Variants in GALNT12 observed in about 807,000 individuals in gnomAD.
GALNT12 encodes the protein polypeptide N-acetylgalactosaminyltransferase 12, also known as UDP-GalNAc:polypeptide N-acetylgalactosaminyltransferase 12.
GALNT12 carries 45 observed loss-of-function variants against 55.5 expected under a neutral mutation model. That is an observed-to-expected ratio of 0.81 (90% CI 0.64 to 1.04). GALNT12 has a LOEUF of 1.04. GALNT12 is among the 50% of genes least tolerant of loss of function. The pLI is 0.00. For missense variants in GALNT12, 709 were observed against 754.8 expected (o/e 0.94, Z 0.71); for synonymous variants, 304 against 312.2 (o/e 0.97, Z 0.28).
intron 7 of GALNT12, among the ~76,000 whole-genome samples, chr9:98,840,840 C>A (rs1178039063): frequency 1.3e-5 from 2 of 152,194 alleles, no homozygotes; most frequent in African/African-American, 4.8e-5. Context: ...CTTTCTCTCT[C>A]CTGTACTTCA....
intron 3 of GALNT12, among the ~76,000 whole-genome samples, chr9:98,830,326 C>T (rs1835962736): frequency 6.6e-6 from 1 of 152,164 alleles, no homozygotes; most frequent in African/African-American, 2.4e-5. Context: ...GGAGGGTATT[C>T]TTGGTTGTCA....
chr9:98,844,974 G>A (rs534022596), intron 8 of GALNT12, among the ~76,000 whole-genome samples: 29 of 152,296 alleles, frequency 1.9e-4, no homozygotes, highest in African/African-American at 7.0e-4. Context: ...CAAAGGGATA[G>A]AGATTCAGAT....
intron 4 of GALNT12, among the ~76,000 whole-genome samples, chr9:98,832,644 C>G (rs537815385): frequency 1.3e-5 from 2 of 152,248 alleles, no homozygotes; most frequent in South Asian, 4.2e-4. Flanking sequence ...AGAAAATATC[C>G]CCACTAAGCA....
intron 6 of GALNT12, among the ~76,000 whole-genome samples, chr9:98,838,372 G>A (rs1426401092): frequency 2.6e-5 from 4 of 152,184 alleles, no homozygotes; most frequent in African/African-American, 9.6e-5. Context: ...CTGACCAATG[G>A]TGAAGGTGTG....
chr9:98,817,725 G>A (rs1588441652), intron 1 of GALNT12, among the ~76,000 whole-genome samples: 2 of 152,226 alleles, frequency 1.3e-5, no homozygotes, highest in East Asian at 1.9e-4. Flanking sequence ...GCCTCCCAAA[G>A]TGCTGAGATT....
At chr9:98,842,890 T>G (rs1182928955) in intron 7 of GALNT12, among the ~76,000 whole-genome samples, 1 of 152,202 alleles carries the variant, frequency 6.6e-6, no homozygotes. Context: ...ATATAAGTAT[T>G]TATTCATTGA....
chr9:98,812,331 C>G (rs1467269729), intron 1 of GALNT12, among the ~76,000 whole-genome samples: 1 of 151,942 alleles, frequency 6.6e-6, no homozygotes, highest in Non-Finnish European at 1.5e-5. Context: ...TGGCTCACGC[C>G]TATAATCTCA....
In GALNT12 at chr9:98,823,316, T is replaced by C; in HGVS notation, c.432T>C (p.Phe144=). ...NLPRTSVIIA[F]YNEAWSTLLR... ...CCAGGACATCTGTTATCATAGCATT[T>C]TATAATGAAGCCTGGTCAACTCTCC... Residue 144 remains phenylalanine, a synonymous_variant, in exon 2 of 10, where the codon TTT becomes TTC. Transcript: ENST00000375011. 1 of 1,614,050 alleles carries C rather than the reference T, an allele frequency of 6.2e-7. No individual in the cohort carries two copies. The highest frequency in any genetic ancestry group is 8.5e-7 in the Non-Finnish European group (1 of 1,179,866).
chr9:98,844,968 G>A (rs1245188715), intron 8 of GALNT12, among the ~76,000 whole-genome samples: 1 of 152,280 alleles, frequency 6.6e-6, no homozygotes, highest in South Asian at 2.1e-4. Context: ...AGGAAACAAA[G>A]GGATAGAGAT....
At chr9:98,820,562 C>T (rs777715278) in intron 1 of GALNT12, among the ~76,000 whole-genome samples, 15 of 152,178 alleles carry the variant, frequency 9.9e-5, no homozygotes, top group East Asian at 1.9e-4. Context: ...TGAACATGCG[C>T]GTGCATGTAT....
chr9:98,823,177 C>G, intron 1 of GALNT12, 79 bp from the exon 2 acceptor site: 1 of 1,314,402 alleles, frequency 7.6e-7, no homozygotes, highest in Non-Finnish European at 1.1e-6. Context: ...GGACCATGAC[C>G]TATGTCCCCT....
intron 1 of GALNT12, among the ~76,000 whole-genome samples, chr9:98,820,425 C>T (rs1835710378): frequency 6.6e-6 from 1 of 152,178 alleles, no homozygotes; most frequent in Non-Finnish European, 1.5e-5. Flanking sequence ...AGGACATAAT[C>T]TCATTCCTTT....
chr9:98,831,875 TTCGA>T lies in GALNT12; in HGVS notation c.836_839del (p.Phe279SerfsTer38), dbSNP rs1177099629. 1 of 1,614,152 alleles carries T rather than the reference TTCGA, an allele frequency of 6.2e-7. No homozygotes were observed. The stretch of plus-strand genomic sequence containing the variant: ...CTCCGGGGAGCCCCAGATCGGCGGT[TTCGA>T]CTGGAGGCTGGTGTTCACGTGGCAC... On this transcript the variant is annotated frameshift_variant, in exon 4 of 10. Transcript: ENST00000375011. LOFTEE classifies it high-confidence loss of function.
At position 98,831,816 on chromosome 9, in the gene GALNT12, T is replaced by C. The variant is rs147356342; in HGVS notation, c.776T>C (p.Val259Ala). The C allele has an allele frequency of 4.3e-5, 70 of 1,614,102 alleles. No individual in the cohort carries two copies. The African/African-American group carries it at 8.4e-4, about 19-fold the overall frequency. The change falls in exon 4 of 10, where the codon GTG becomes GCG. Residue 259 changes from valine (V) to alanine (A), a missense_variant. Physicochemically the swap from Val to Ala is moderately conservative, Grantham distance 64. Transcript: ENST00000375011. ...ESAVVCPVID[V>A]IDWNTFEYLG... Reference sequence around the variant, plus strand: ...GCAGTGGTGTGCCCGGTGATTGATGTGATCGACTGGAACACCTTCGAATAC... The same window carrying C: ...GCAGTGGTGTGCCCGGTGATTGATGCGATCGACTGGAACACCTTCGAATAC...
Position 98,849,151 on chromosome 9 carries a change from A to G in GALNT12, c.*59A>G. ...CTGTGGAGCCAGGACTCTGCCCAAC[A>G]AAGACTTAGCTAAGCAGTGACCAGA... On this transcript the variant is annotated 3_prime_UTR_variant, in exon 10 of 10. Coordinates refer to ENST00000375011, the MANE Select transcript of GALNT12 (RefSeq NM_024642.5). The G allele has an allele frequency of 1.3e-6, 2 of 1,591,238 alleles. No individual in the cohort carries two copies. Among genetic ancestry groups the G allele is most frequent in the Non-Finnish European group, 1.7e-6 (2 of 1,160,282 alleles).
chr9:98,834,020 G>A (rs1241924289), intron 4 of GALNT12, among the ~76,000 whole-genome samples: 1 of 152,170 alleles, frequency 6.6e-6, no homozygotes, highest in African/African-American at 2.4e-5. Context: ...TGGGGATGTT[G>A]CTGTTGTCTT....
At chr9:98,824,798 G>A (rs1211392463) in intron 2 of GALNT12, among the ~76,000 whole-genome samples, 2 of 152,144 alleles carry the variant, frequency 1.3e-5, no homozygotes, top group South Asian at 2.1e-4. Flanking sequence ...AATTATAGTG[G>A]GGAATAAATG....
chr9:98,812,910 A>C (rs1452427424), intron 1 of GALNT12, among the ~76,000 whole-genome samples: 1 of 152,232 alleles, frequency 6.6e-6, no homozygotes, highest in African/African-American at 2.4e-5. Context: ...GGACCATAGA[A>C]TGCTTTAGTA....
intron 9 of GALNT12, among the ~76,000 whole-genome samples, chr9:98,848,210 A>G (rs1042976957): frequency 6.6e-6 from 1 of 152,236 alleles, no homozygotes; most frequent in Non-Finnish European, 1.5e-5. Flanking sequence ...AAAAAGTTCC[A>G]TTTAGTGAAC....
Sources: gnomAD v4.1 joint callset for allele counts (sites outside exome capture counted in the v4.1 genomes callset) on GRCh38, gnomAD v4.1.1 for gene constraint, MANE v1.5 for transcripts, NCBI Gene and HGNC (gene_info 2026-07-23, HGNC 2026-07-21) for gene names.